The following CCNJL variants were observed in gnomAD, a reference collection of about 807,000 sequenced individuals.
CCNJL encodes cyclin-J-like protein.
Under a neutral mutation model 33.4 loss-of-function variants are expected in CCNJL, and 33 were observed. That is an observed-to-expected ratio of 0.99 (90% confidence interval 0.75 to 1.32). CCNJL has a LOEUF of 1.32. Among genes scored for constraint, CCNJL ranks in the 40% most tolerant of loss-of-function variants. The probability of loss-of-function intolerance (pLI) is 0.00; values close to 1 mark genes in which losing one functional copy is unlikely to be tolerated. For synonymous variants in CCNJL, 227 were observed against 220.9 expected (o/e 1.03, Z -0.24); for missense variants, 512 against 499.7 (o/e 1.02, Z -0.23).
intron 3 of CCNJL, among the ~76,000 whole-genome samples, chr5:160,279,731 C>T (rs1003462647): frequency 2.6e-5 from 4 of 152,094 alleles, no homozygotes; most frequent in Non-Finnish European, 5.9e-5. Context: ...CAAGAGGGGG[C>T]TTGGCCAGTG....
At chr5:160,314,186 A>C (rs1026774115), upstream of CCNJL, among the ~76,000 whole-genome samples, 4 of 151,308 alleles carry the variant, frequency 2.6e-5, no homozygotes, top group African/African-American at 9.9e-5. Context: ...CAAACGAACA[A>C]AAAAACTGGG....
upstream of CCNJL, among the ~76,000 whole-genome samples, chr5:160,313,413 T>C (rs1763335398): frequency 1.3e-5 from 2 of 152,174 alleles, no homozygotes; most frequent in Non-Finnish European, 2.9e-5. Flanking sequence ...ACCAACCTGC[T>C]GAAAATTAAA....
intron 3 of CCNJL, 71 bp from the exon 4 acceptor site, chr5:160,259,842 CT>C: frequency 7.8e-7 from 1 of 1,284,096 alleles, no homozygotes; most frequent in Non-Finnish European, 1.1e-6. Flanking sequence ...AACGGCCCAC[CT>C]TACAGTGCCT....
Position 160,255,684 on chromosome 5 carries a change from G to C in CCNJL, c.608C>G (p.Pro203Arg). Residue 203 changes from proline to arginine, a missense_variant, in exon 5 of 6, where the codon CCT (proline) becomes CGT (arginine). Transcript: ENST00000257536. Reference sequence around the variant, plus strand: ...AACACAGGCCGCAGCGACCACAGAAGGCTGGAATTTGTAGAATATGTGATC... The same window carrying C: ...AACACAGGCCGCAGCGACCACAGAACGCTGGAATTTGTAGAATATGTGATC... ...LQDHIFYKFQPSVVAAACVGA... is the reference protein window; with the variant it reads ...LQDHIFYKFQRSVVAAACVGA... 1 of 1,613,986 alleles carries C rather than the reference G, an allele frequency of 6.2e-7. No individual in the cohort carries two copies. Among genetic ancestry groups the C allele is most frequent in the Admixed American group, 1.7e-5 (1 of 60,024 alleles).
chr5:160,306,585 A>C (rs1249016460), intron 2 of CCNJL, among the ~76,000 whole-genome samples: 3 of 152,026 alleles, frequency 2.0e-5, no homozygotes, highest in African/African-American at 4.8e-5. Context: ...TCCCCTAAGA[A>C]CTCCAGAAAT....
intron 2 of CCNJL, among the ~76,000 whole-genome samples, chr5:160,301,284 G>C (rs1391741710): frequency 6.6e-6 from 1 of 152,180 alleles, no homozygotes; most frequent in East Asian, 1.9e-4. Flanking sequence ...GGAGCAGGCA[G>C]AAAGGAGTAC....
At chr5:160,338,774 G>T (rs4921277) in intron 1 of CCNJL, among the ~76,000 whole-genome samples, 72,592 of 151,312 alleles carry the variant, frequency 0.48, 17,614 homozygotes, top group Middle Eastern at 0.55. Context: ...ATTCATCCTA[G>T]GTATACTAAA....
chr5:160,290,203 C>A (rs1356817581), intron 2 of CCNJL, among the ~76,000 whole-genome samples: 1 of 152,040 alleles, frequency 6.6e-6, no homozygotes, highest in Non-Finnish European at 1.5e-5. Context: ...TGAGGTTTTA[C>A]TTCTCATTAT....
chr5:160,294,129 G>C (rs1171224927), intron 2 of CCNJL, among the ~76,000 whole-genome samples: 2 of 152,170 alleles, frequency 1.3e-5, no homozygotes, highest in African/African-American at 2.4e-5. Flanking sequence ...GGCAAAGAAA[G>C]GGGGAGAAAG....
At position 160,253,446 on chromosome 5, in the gene CCNJL, C is replaced by T. The variant is rs374780099; in HGVS notation, c.1096G>A (p.Ala366Thr). ...AAGTAGCTGCTTCCATAGGTGGTGGCGAGGCAGTGCCTGGGCTCAGCTGCA... is the reference window on the plus strand; with the variant it reads ...AAGTAGCTGCTTCCATAGGTGGTGGTGAGGCAGTGCCTGGGCTCAGCTGCA... ...AIAAEPRHCL[A>T]TTYGSSYFSG... Residue 366 changes from alanine to threonine, a missense_variant, in exon 6 of 6, where the codon GCC (alanine) becomes ACC (threonine). Transcript: ENST00000257536. The T allele has an allele frequency of 4.0e-5, 64 of 1,610,690 alleles. No individual in the cohort carries two copies. Among genetic ancestry groups the T allele is most frequent in the Non-Finnish European group, 5.2e-5 (61 of 1,178,006 alleles).
In CCNJL at chr5:160,251,300, C is replaced by T. The variant is rs1176877854; in HGVS notation, c.*2078G>A. The T allele has an allele frequency of 6.6e-6, 1 of 152,246 alleles. No homozygotes were observed. The highest frequency in any genetic ancestry group is 1.5e-5 in the Non-Finnish European group (1 of 68,042). 9.4% of individuals were successfully genotyped at this position (152,246 alleles called of 1,614,324 possible). ...ATTTTGAACTCTACTGCAACATCAG[C>T]TCTTACCTGAATTTCCAGCCTGCTG... On this transcript the variant is annotated 3_prime_UTR_variant, in exon 6 of 6. Coordinates refer to ENST00000257536, the MANE Select transcript of CCNJL (RefSeq NM_001308173.3).
intron 1 of CCNJL, among the ~76,000 whole-genome samples, chr5:160,323,264 T>G (rs1180711069): frequency 6.6e-6 from 1 of 151,510 alleles, no homozygotes; most frequent in Admixed American, 6.6e-5. Flanking sequence ...CCTCAAAAAT[T>G]TGTTTGTTTG....
chr5:160,337,634 G>C (rs561208054), intron 1 of CCNJL, among the ~76,000 whole-genome samples: 22 of 152,222 alleles, frequency 1.4e-4, no homozygotes, highest in African/African-American at 5.3e-4. Context: ...GAATGTCGGG[G>C]GTTGGGAAGG....
intron 1 of CCNJL, among the ~76,000 whole-genome samples, chr5:160,325,109 G>C (rs574584060): frequency 2.2e-4 from 34 of 152,256 alleles, no homozygotes; most frequent in Non-Finnish European, 4.1e-4. Context: ...TTAGACCTCT[G>C]AGCTTCCTCC....
At position 160,333,421 on chromosome 5, in the gene CCNJL, G is replaced by C. The variant is rs565631790; in HGVS notation, n.206+6024C>G. ...TTACAGGCATGAGCCACCGTGCCCAGCCCAAAAATTTTTTTAAAAAGTAGC... is the reference window on the plus strand; with the variant it reads ...TTACAGGCATGAGCCACCGTGCCCACCCCAAAAATTTTTTTAAAAAGTAGC... On this transcript the variant is annotated intron_variant and non_coding_transcript_variant, in intron 1 of 7. Transcript: ENST00000377503. Among the ~76,000 whole-genome samples the C allele has an allele frequency of 7.9e-5, 12 of 151,978 alleles. No individual in the cohort carries two copies. In the East Asian group the frequency reaches 1.8e-3, roughly 22 times the overall value.
intron 2 of CCNJL, among the ~76,000 whole-genome samples, chr5:160,285,145 G>A (rs929698881): frequency 2.0e-5 from 3 of 152,022 alleles, no homozygotes; most frequent in East Asian, 3.9e-4. Context: ...AGCTGAGATC[G>A]CACCACTGCA....
intron 2 of CCNJL, among the ~76,000 whole-genome samples, chr5:160,292,771 T>G (rs1241723894): frequency 6.6e-6 from 1 of 152,164 alleles, no homozygotes; most frequent in African/African-American, 2.4e-5. Context: ...CTGCATTCCA[T>G]GCATCTTGTA....
intron 1 of CCNJL, among the ~76,000 whole-genome samples, chr5:160,338,818 G>A (rs555240074): frequency 2.0e-5 from 3 of 151,562 alleles, no homozygotes; most frequent in African/African-American, 7.3e-5. Flanking sequence ...TTGAGACTAA[G>A]TCTGGCTCTG....
At position 160,312,379 on chromosome 5, in the gene CCNJL, G is replaced by C. The variant is rs576775851; in HGVS notation, c.-65C>G. 7.3e-5 allele frequency: 12 copies of C among 164,244 alleles called. No homozygotes were observed. The South Asian group carries it at 1.5e-3, about 20-fold the overall frequency. 10.2% of individuals were successfully genotyped at this position (164,244 alleles called of 1,614,324 possible). A position where few individuals can be genotyped will look rare whatever the true frequency, so the allele number is the denominator to read the frequency against. On this transcript the variant is annotated 5_prime_UTR_variant, in exon 1 of 6. Coordinates refer to ENST00000257536, the MANE Select transcript of CCNJL (RefSeq NM_001308173.3). ...CGAAACTCACGCATCCTCTCTGGGC[G>C]TGGGGGGCTGCGAGCGCCGGGCCCC...
Sources: allele counts gnomAD v4.1 joint callset (sites outside exome capture counted in the v4.1 genomes callset), GRCh38; gene constraint gnomAD v4.1.1; transcripts MANE v1.5; gene names NCBI Gene and HGNC (gene_info 2026-07-23, HGNC 2026-07-21).